LMTK3: variants seen among roughly 807,000 people sequenced by gnomAD.
The protein encoded by LMTK3 is serine/threonine-protein kinase LMTK3.
A neutral mutation model predicts 116.7 loss-of-function variants in LMTK3; 27 were observed. That is an observed-to-expected ratio of 0.23 (90% CI 0.17 to 0.32). LMTK3 has a LOEUF of 0.32. Ranked by LOEUF, LMTK3 falls within the 10% of genes least tolerant of loss-of-function variation. The pLI is 1.00. For synonymous variants in LMTK3, 965 were observed against 971.0 expected, an observed-to-expected ratio of 0.99 and a Z score of 0.11; for missense variants, 1,764 against 2,068.5, an observed-to-expected ratio of 0.85 and a Z score of 2.86.
Position 48,508,184 on chromosome 19 carries a change from G to A in LMTK3, c.557+667C>T, listed in dbSNP as rs576431567. On this transcript the variant is annotated intron_variant, in intron 5 of 14. Transcript: ENST00000600059. ...GCGCAGGGCCTGTGGGCTGTCAGGA[G>A]GACCAGATGTGTCCTGTAGGCAGTA... Among the ~76,000 whole-genome samples the A allele has an allele frequency of 1.3e-4, 20 of 152,248 alleles. 1 individual carries two copies. Among genetic ancestry groups the A allele is most frequent in the Admixed American group, 8.5e-4 (13 of 15,290 alleles).
Position 48,497,679 on chromosome 19 carries a change from G to A in LMTK3, c.3390C>T (p.Gly1130=), listed in dbSNP as rs556873416. 3.0e-6 allele frequency: 4 copies of A among 1,313,802 alleles called. No homozygotes were observed. Among genetic ancestry groups the A allele is most frequent in the African/African-American group, 1.5e-5 (1 of 64,888 alleles). The allele number at this position is 1,313,802 out of a possible 1,614,324, so 81.4% of individuals were successfully genotyped here. Residue 1130 remains glycine (G), a synonymous_variant, in exon 11 of 15, where the codon GGC becomes GGT. Coordinates refer to ENST00000600059, the MANE Select transcript of LMTK3 (RefSeq NM_001388485.1). The surrounding 1 kb of genome is among the most constrained non-coding windows in gnomAD (Gnocchi z 5.7). ...GTAPGGGPGS[G]VDAKAGWVDN... is the part of the protein sequence containing the mutation. Reference sequence around the variant, plus strand: ...CTACCCATCCGGCCTTTGCGTCCACGCCGCTTCCGGGGCCGCCGCCGGGGG... The same window carrying A: ...CTACCCATCCGGCCTTTGCGTCCACACCGCTTCCGGGGCCGCCGCCGGGGG...
intron 7 of LMTK3, 134 bp downstream of exon 7, chr19:48,502,299 A>G (rs1972484747): frequency 1.9e-6 from 2 of 1,074,016 alleles, no homozygotes; most frequent in Non-Finnish European, 1.3e-6. Flanking sequence ...CTTCTCCTCC[A>G]TACCCTCCTC....
intron 12 of LMTK3, 129 bp downstream of exon 12, chr19:48,493,565 A>G (rs1214330389): frequency 8.7e-6 from 5 of 577,124 alleles, no homozygotes; most frequent in African/African-American, 5.4e-5. Flanking sequence ...GCCCCGCCCC[A>G]CTCCAGCTCC....
chr19:48,506,110 C>G (rs1972564587), intron 5 of LMTK3, among the ~76,000 whole-genome samples: 1 of 150,498 alleles, frequency 6.6e-6, no homozygotes, highest in South Asian at 2.1e-4. Context: ...CCACTGCACT[C>G]CAGCCTGACA....
chr19:48,499,379 C>T lies in LMTK3; in HGVS notation c.1690G>A (p.Val564Met), dbSNP rs1972415300. ...GCCTGGGGGGCCTGAGGGGCGGGCACTCCTGGGTCCAGGGGGTCCCAGTCG... is the reference window on the plus strand; with the variant it reads ...GCCTGGGGGGCCTGAGGGGCGGGCATTCCTGGGTCCAGGGGGTCCCAGTCG... The part of the protein sequence containing the change: ...PNDWDPLDPG[V>M]PAPQAPQAPS... The change falls in exon 11 of 15, where the codon GTG becomes ATG. Residue 564 changes from valine (V) to methionine (M), a missense_variant. By Grantham distance (21) the Val-to-Met change is conservative (BLOSUM62 1). Around this residue, in one of 7 missense-constraint regions of LMTK3, gnomAD observed 1,028 missense variants for 1,050.6 expected, o/e 0.98. Transcript: ENST00000600059. 2.1e-6 allele frequency: 3 copies of T among 1,435,532 alleles called. No homozygotes were observed. Among genetic ancestry groups the T allele is most frequent in the Non-Finnish European group, 2.7e-6 (3 of 1,092,436 alleles). The allele number at this position is 1,435,532 out of a possible 1,614,324, so 88.9% of individuals were successfully genotyped here.
At chr19:48,501,648 C>G in intron 7 of LMTK3, 86 bp from the exon 8 acceptor site, 3 of 1,311,612 alleles carry the variant, frequency 2.3e-6, no homozygotes, top group Non-Finnish European at 3.2e-6. Context: ...CTCCACCCCT[C>G]CCATGACCCT....
In LMTK3 at chr19:48,501,104, GC is replaced by G; in HGVS notation, c.1042del (p.Ala348ProfsTer22). ...GTCTGACAGGTGGCGGTAGGGCTGG[GC>G]CCCAAACTCAAACAGCTCCCACAGG... ...VTLWELFEFG[A>X]QPYRHLSDEE... On this transcript the variant is annotated frameshift_variant, in exon 10 of 15. Transcript: ENST00000600059. LOFTEE classifies it high-confidence loss of function. 1 of 1,600,440 alleles carries G rather than the reference GC, an allele frequency of 6.2e-7. No individual in the cohort carries two copies. Among genetic ancestry groups the G allele is most frequent in the East Asian group, 2.3e-5 (1 of 44,008 alleles).
Position 48,487,958 on chromosome 19 carries a change from G to A in LMTK3, c.4367-2169C>T, listed in dbSNP as rs569767385. Among the ~76,000 whole-genome samples the A allele has an allele frequency of 2.6e-5, 4 of 152,298 alleles. No homozygotes were observed. The East Asian group carries it at 7.7e-4, about 29-fold the overall frequency. On this transcript the variant is annotated intron_variant, in intron 14 of 14. Coordinates refer to ENST00000600059, the MANE Select transcript of LMTK3 (RefSeq NM_001388485.1). ...ACAGAGCCACATTGAGCAGGGCAGA[G>A]GAGAGGACCCGCCTCAGGCCCCCAC...
rs1972376612 is a variant in LMTK3, at chr19:48,498,374, T to C, written c.2695A>G (p.Lys899Glu). ...KAGRGPGNRE[K>E]VPGLNRDPTV... The stretch of plus-strand genomic sequence containing the variant: ...GGGTCCCTGTTCAGGCCCGGGACTT[T>C]CTCTCTGTTCCCGGGGCCTCTCCCC... Residue 899 changes from lysine to glutamate, a missense_variant, in exon 11 of 15, where the codon AAA becomes GAA. Transcript: ENST00000600059. 5 of 1,612,476 alleles carry C rather than the reference T, an allele frequency of 3.1e-6. No homozygotes were observed. The Middle Eastern group carries it at 4.9e-4, about 159-fold the overall frequency.
At chr19:48,496,100 GT>G (rs949074556) in intron 11 of LMTK3, among the ~76,000 whole-genome samples, 1 of 151,546 alleles carries the variant, frequency 6.6e-6, no homozygotes, top group African/African-American at 2.4e-5. Context: ...GTTTGTTTCT[GT>G]TTGTTTTGTT....
intron 5 of LMTK3, among the ~76,000 whole-genome samples, chr19:48,505,103 C>CTCTCTCTT (rs1555901916): frequency 1.8e-5 from 1 of 55,572 alleles, no homozygotes; most frequent in Non-Finnish European, 2.9e-5. Flanking sequence ...CTCTCTCTCT[C>CTCTCTCTT]TTTTTTTTTT....
chr19:48,511,524 C>T lies in LMTK3; in HGVS notation c.53G>A (p.Cys18Tyr). ...ACCGGGGTGGGCCGGGGACGCCAGG[C>T]AGCCGGAGGCGGAGACGGCCGCAAG... ...ILLAAVSASG[C>Y]LASPAHPDGF... The change falls in exon 1 of 15, where the codon TGC (cysteine) becomes TAC (tyrosine). Residue 18 changes from cysteine (C) to tyrosine (Y), a missense_variant. Physicochemically the swap from Cys to Tyr is radical, Grantham distance 194. This residue lies in a region of LMTK3 where 66 missense variants were observed against 61.1 expected (regional missense o/e 1.08). Transcript: ENST00000600059. The T allele has an allele frequency of 1.4e-6, 2 of 1,409,556 alleles. No individual in the cohort carries two copies. The highest frequency in any genetic ancestry group is 1.9e-6 in the Non-Finnish European group (2 of 1,068,350). The allele number at this position is 1,409,556 out of a possible 1,614,324, so 87.3% of individuals were successfully genotyped here. A position where few individuals can be genotyped will look rare whatever the true frequency, so the allele number is the denominator to read the frequency against.
At chr19:48,504,754 G>T (rs1251224462) in intron 5 of LMTK3, among the ~76,000 whole-genome samples, 1 of 152,042 alleles carries the variant, frequency 6.6e-6, no homozygotes, top group African/African-American at 2.4e-5. Context: ...CACCATGTTG[G>T]CCAGGCTGCT....
chr19:48,499,690 G>C lies in LMTK3; in HGVS notation c.1379C>G (p.Ala460Gly). 6.5e-7 allele frequency: 1 copy of C among 1,529,266 alleles called. No homozygotes were observed. Among genetic ancestry groups the C allele is most frequent in the Non-Finnish European group, 8.8e-7 (1 of 1,136,512 alleles). The allele number at this position is 1,529,266 out of a possible 1,614,324, so 94.7% of individuals were successfully genotyped here. The change falls in exon 11 of 15, where the codon GCC (alanine) becomes GGC (glycine). Residue 460 changes from alanine to glycine, a missense_variant. Physicochemically the swap from Ala to Gly is moderately conservative, Grantham distance 60. This residue lies in a region of LMTK3 where 16 missense variants were observed against 36.7 expected (regional missense o/e 0.44). Transcript: ENST00000600059. ...GACCGTGAGCACATCGTCGGGGTCG[G>C]CTCCAGGGAAGCCATCCAGTAGGGG... ...PFPLLDGFPG[A>G]DPDDVLTVTE...
rs1393643239 is a variant in LMTK3, at chr19:48,511,567, G to C, written c.10C>G (p.Pro4Ala). The C allele has an allele frequency of 7.0e-6, 10 of 1,436,540 alleles. No homozygotes were observed. Among genetic ancestry groups the C allele is most frequent in the Non-Finnish European group, 9.2e-6 (10 of 1,081,806 alleles). The allele number at this position is 1,436,540 out of a possible 1,614,324, so 89.0% of individuals were successfully genotyped here. A position where few individuals can be genotyped will look rare whatever the true frequency, so the allele number is the denominator to read the frequency against. MPA[P>A]GALILLAAVS... ...GCCGCAAGGAGGATGAGGGCGCCGG[G>C]GGCAGGCATCTTGTCGAGGATGGCA... The change falls in exon 1 of 15, where the codon CCC (proline) becomes GCC (alanine). Residue 4 changes from proline (P) to alanine (A), a missense_variant. Around this residue, in one of 7 missense-constraint regions of LMTK3, gnomAD observed 66 missense variants for 61.1 expected, o/e 1.08. Coordinates refer to ENST00000600059, the MANE Select transcript of LMTK3 (RefSeq NM_001388485.1).
Position 48,511,631 on chromosome 19 carries a change from G to GC in LMTK3, c.-56dup. ...GGTGGCGGCTGGGGAGGAGGGGGGGGCGGGCCCTCAGCCCCCAGCCATGGG... is the reference window on the plus strand; with the variant it reads ...GGTGGCGGCTGGGGAGGAGGGGGGGGCCGGGCCCTCAGCCCCCAGCCATGGG... On this transcript the variant is annotated 5_prime_UTR_variant, in exon 1 of 15. Transcript: ENST00000600059. 1 of 456,834 alleles carries GC rather than the reference G, an allele frequency of 2.2e-6. No homozygotes were observed. Among genetic ancestry groups the GC allele is most frequent in the East Asian group, 3.8e-5 (1 of 26,408 alleles). 28.3% of individuals were successfully genotyped at this position (456,834 alleles called of 1,614,324 possible). A position where few individuals can be genotyped will look rare whatever the true frequency, so the allele number is the denominator to read the frequency against.
At position 48,497,822 on chromosome 19, in the gene LMTK3, T is replaced by G; in HGVS notation, c.3247A>C (p.Thr1083Pro). 7.2e-7 allele frequency: 1 copy of G among 1,394,702 alleles called. No individual in the cohort carries two copies. Among genetic ancestry groups the G allele is most frequent in the Non-Finnish European group, 9.3e-7 (1 of 1,080,490 alleles). 86.4% of individuals were successfully genotyped at this position (1,394,702 alleles called of 1,614,324 possible). ...CTCCTCTCGGTCCCGGGTTCCAGCG[T>G]CCCGTTCTTGGGGGCTGGGCCAAGG... ...GPLGPAPKNG[T>P]LEPGTERRAP... Residue 1083 changes from threonine to proline, a missense_variant, in exon 11 of 15, where the codon ACG becomes CCG. Physicochemically the swap from Thr to Pro is conservative, Grantham distance 38 (BLOSUM62 -1). This residue lies in a region of LMTK3 where 1,028 missense variants were observed against 1,050.6 expected (regional missense o/e 0.98). Coordinates refer to ENST00000600059, the MANE Select transcript of LMTK3 (RefSeq NM_001388485.1). This position sits in a 1 kb window ranked among gnomAD's most constrained non-coding sequence, Gnocchi z 5.7.
chr19:48,485,784 C>T lies in LMTK3; in HGVS notation c.4372G>A (p.Val1458Met), dbSNP rs773213944. The T allele has an allele frequency of 3.6e-5, 58 of 1,610,134 alleles. No homozygotes were observed. Among genetic ancestry groups the T allele is most frequent in the South Asian group, 5.5e-5 (5 of 90,476 alleles). Residue 1458 changes from valine (V) to methionine (M), a missense_variant, in exon 15 of 15, where the codon GTG becomes ATG. Physicochemically the swap from Val to Met is conservative, Grantham distance 21. Coordinates refer to ENST00000600059, the MANE Select transcript of LMTK3 (RefSeq NM_001388485.1). Reference protein sequence around the residue: ...RAPDARPAGPVEN With the variant: ...RAPDARPAGPMEN Reference sequence around the variant, plus strand: ...GGGTCTTCGGGGAATCAATTCTCCACGGGGCCTGAGGATGGACAGAGGAGA... The same window carrying T: ...GGGTCTTCGGGGAATCAATTCTCCATGGGGCCTGAGGATGGACAGAGGAGA...
At position 48,498,852 on chromosome 19, in the gene LMTK3, C is replaced by T. The variant is rs1218183419; in HGVS notation, c.2217G>A (p.Ala739=). 5 of 1,219,412 alleles carry T rather than the reference C, an allele frequency of 4.1e-6. No individual in the cohort carries two copies. Among genetic ancestry groups the T allele is most frequent in the African/African-American group, 3.3e-5 (2 of 61,054 alleles). 75.5% of individuals were successfully genotyped at this position (1,219,412 alleles called of 1,614,324 possible). The change falls in exon 11 of 15, where the codon GCG becomes GCA. Residue 739 remains alanine, a synonymous_variant. Transcript: ENST00000600059. ...PPEFLDPLMG[A]AAPQYPGRGP... is the part of the protein sequence containing the mutation. ...CCCGCCCGGGGTACTGGGGCGCCGC[C>T]GCCCCCATGAGGGGGTCCAGAAACT...
Sources: gnomAD v4.1 joint callset for allele counts (sites outside exome capture counted in the v4.1 genomes callset) on GRCh38, gnomAD v4.1.1 for gene constraint, gnomAD v4.1.1 regional missense constraint, Gnocchi (gnomAD v3.1) non-coding constraint, MANE v1.5 for transcripts, NCBI Gene and HGNC (gene_info 2026-07-23, HGNC 2026-07-21) for gene names.